UROC1: variants seen among roughly 807,000 people sequenced by gnomAD.
The protein encoded by UROC1 is urocanate hydratase.
In UROC1, 79 loss-of-function variants were observed where a neutral mutation model predicts 89.5. The observed-to-expected ratio is 0.88, with a 90% CI of 0.74 to 1.06. UROC1 has a LOEUF of 1.06. UROC1 is among the 50% of genes least tolerant of loss of function. The pLI is 0.00. For missense variants in UROC1, 885 were observed against 907.8 expected (o/e 0.97, Z 0.32); for synonymous variants, 361 against 354.8 (o/e 1.02, Z -0.20).
chr3:126,483,353 G>A lies in UROC1; in HGVS notation c.1890+16C>T, dbSNP rs761319993. On this transcript the variant is annotated intron_variant, in intron 19 of 19. Coordinates refer to ENST00000290868, the MANE Select transcript of UROC1 (RefSeq NM_144639.3). ...GGCCCTGCCTTCAGGAGGTGGCAAG[G>A]ACTGGGCTGACTTACACCATTGGAG... 5 of 1,610,060 alleles carry A rather than the reference G, an allele frequency of 3.1e-6. No homozygotes were observed. In the Admixed American group the frequency reaches 6.7e-5, roughly 21 times the overall value.
At chr3:126,507,184 T>C (rs577219793) in intron 6 of UROC1, among the ~76,000 whole-genome samples, 1 of 152,330 alleles carries the variant, frequency 6.6e-6, no homozygotes, top group East Asian at 1.9e-4. Flanking sequence ...ACTGGCCGCA[T>C]TCTGTGCCTA....
chr3:126,498,247 G>T, intron 13 of UROC1, 75 bp from the exon 14 acceptor site: 1 of 1,610,308 alleles, frequency 6.2e-7, no homozygotes, highest in South Asian at 1.1e-5. Flanking sequence ...GAGCATGCCA[G>T]GGAGGAGGGC....
chr3:126,517,352 G>A (rs1177820962), intron 1 of UROC1, among the ~76,000 whole-genome samples: 2 of 152,226 alleles, frequency 1.3e-5, no homozygotes, highest in African/African-American at 2.4e-5. Context: ...GTGACCGGCT[G>A]CTGACCTTGA....
At chr3:126,502,618 ATG>A (rs547410819) in intron 9 of UROC1, among the ~76,000 whole-genome samples, 82 of 143,094 alleles carry the variant, frequency 5.7e-4, no homozygotes, top group African/African-American at 1.6e-3. Flanking sequence ...ATTTATGTGT[ATG>A]TGTGTGTTTA....
At chr3:126,489,473 G>T in intron 16 of UROC1, 98 bp from the exon 17 acceptor site, 1 of 937,976 alleles carries the variant, frequency 1.1e-6, no homozygotes, top group Non-Finnish European at 1.7e-6. Flanking sequence ...GAACCCGCTG[G>T]ATTTCTCCTC....
chr3:126,517,003 CT>C (rs1330194400), intron 1 of UROC1, among the ~76,000 whole-genome samples: 2 of 152,062 alleles, frequency 1.3e-5, no homozygotes, highest in African/African-American at 4.8e-5. Context: ...CCACAACCCC[CT>C]GGTGTCACCA....
chr3:126,488,991 G>C (rs751891155), intron 17 of UROC1, among the ~76,000 whole-genome samples: 3 of 152,148 alleles, frequency 2.0e-5, no homozygotes, highest in Non-Finnish European at 4.4e-5. Context: ...AAAAAGGCAA[G>C]AAATGCAGCT....
At position 126,505,833 on chromosome 3, in the gene UROC1, C is replaced by T. The variant is rs748736874; in HGVS notation, c.681G>A (p.Leu227=). Residue 227 remains leucine (L), a synonymous_variant, in exon 8 of 20, where the codon TTG becomes TTA. Transcript: ENST00000290868. The part of the protein sequence containing the change: ...GIVHGTVLTV[L]NAARRYLGIE... ...TGCCCAGGTACCGACGTGCAGCATT[C>T]AACACGGTGAGCTGCAGGGAGAAGA... 3 of 1,613,806 alleles carry T rather than the reference C, an allele frequency of 1.9e-6. No homozygotes were observed. The South Asian group carries it at 3.3e-5, about 18-fold the overall frequency.
chr3:126,500,183 G>A (rs377091763), intron 11 of UROC1, 29 bp from the exon 12 acceptor site: 75 of 1,609,260 alleles, frequency 4.7e-5, no homozygotes, highest in African/African-American at 2.9e-4. Context: ...CAGCACCACC[G>A]CTGTGAGGCC....
rs996455736 is a variant in UROC1, at chr3:126,482,062, C to G, written c.*283G>C. 4.0e-6 allele frequency: 2 copies of G among 497,342 alleles called. No individual in the cohort carries two copies. Among genetic ancestry groups the G allele is most frequent in the South Asian group, 2.2e-5 (1 of 44,976 alleles). The allele number at this position is 497,342 out of a possible 1,614,324, so 30.8% of individuals were successfully genotyped here. ...GCTTGACCAGTGTTCACCGCAGGGCCCCCGGGCAGGCTTGGGACTTGGCCC... is the reference window on the plus strand; with the variant it reads ...GCTTGACCAGTGTTCACCGCAGGGCGCCCGGGCAGGCTTGGGACTTGGCCC... On this transcript the variant is annotated 3_prime_UTR_variant, in exon 20 of 20. Coordinates refer to ENST00000290868, the MANE Select transcript of UROC1 (RefSeq NM_144639.3).
At chr3:126,489,486 G>A in intron 16 of UROC1, 111 bp from the exon 17 acceptor site, 1 of 829,884 alleles carries the variant, frequency 1.2e-6, no homozygotes, top group Non-Finnish European at 2.0e-6. Flanking sequence ...TTCTCCTCCT[G>A]GAAAATAGAC....
intron 9 of UROC1, chr3:126,501,903 G>C: frequency 6.3e-7 from 1 of 1,599,308 alleles, no homozygotes; most frequent in South Asian, 1.1e-5. Flanking sequence ...GGGCAGCAGG[G>C]AGGCCGGCCC....
At position 126,501,405 on chromosome 3, in the gene UROC1, G is replaced by A. The variant is rs560444562; in HGVS notation, c.903-125C>T. On this transcript the variant is annotated intron_variant, in intron 9 of 19. Coordinates refer to ENST00000290868, the MANE Select transcript of UROC1 (RefSeq NM_144639.3). The stretch of plus-strand genomic sequence containing the variant: ...GCCACCAGAGGTGTTGTGTGCAAAC[G>A]TGGGGGCCATGGGGCTGGGCCATGA... 1.3e-4 allele frequency: 148 copies of A among 1,163,658 alleles called. 1 individual carries two copies. The highest frequency in any genetic ancestry group is 3.5e-5 in the Admixed American group (2 of 57,270). The allele number at this position is 1,163,658 out of a possible 1,614,324, so 72.1% of individuals were successfully genotyped here. A position where few individuals can be genotyped will look rare whatever the true frequency, so the allele number is the denominator to read the frequency against.
chr3:126,482,526 C>G, intron 19 of UROC1, 41 bp from the exon 20 acceptor site: 1 of 1,613,414 alleles, frequency 6.2e-7, no homozygotes, highest in Non-Finnish European at 8.5e-7. Context: ...TCAACATAAC[C>G]GGGCTCCCCA....
intron 16 of UROC1, among the ~76,000 whole-genome samples, chr3:126,492,013 G>C (rs1935665011): frequency 6.6e-6 from 1 of 152,060 alleles, no homozygotes; most frequent in Non-Finnish European, 1.5e-5. Context: ...ATTATCCCCA[G>C]AGGGGCCTTG....
intron 9 of UROC1, among the ~76,000 whole-genome samples, chr3:126,502,888 ATG>A (rs1329977780): frequency 1.3e-5 from 2 of 149,050 alleles, no homozygotes; most frequent in Non-Finnish European, 1.5e-5. Context: ...GCTTGTGTGC[ATG>A]TGTGTGCTGC....
rs1936359429 is a variant in UROC1 at position 126,517,677 on chromosome 3, G to T, written c.43C>A (p.Pro15Thr). ...QALCSGLPLR[P>T]LPENRGRQAG... ...TGGCGTCCCCGGTTCTCTGGGAGGG[G>T]CCGCAGGGGCAGGCCAGAGCACAGC... The change falls in exon 1 of 20, where the codon CCC becomes ACC. Residue 15 changes from proline (P) to threonine (T), a missense_variant. Coordinates refer to ENST00000290868, the MANE Select transcript of UROC1 (RefSeq NM_144639.3). The T allele has an allele frequency of 1.2e-6, 2 of 1,602,432 alleles. No individual in the cohort carries two copies. The highest frequency in any genetic ancestry group is 1.7e-5 in the Admixed American group (1 of 58,446).
rs1421051040 is a variant in UROC1, at chr3:126,508,470, G to A, written c.357C>T (p.Pro119=). ...NNLDPAVAQF[P]QELVTYGGNG... ...TTCCTCCATAGGTCACCAGCTCCTG[G>A]GGAAACTGAGGAAGACACGGGGTCA... The change falls in exon 4 of 20, where the codon CCC becomes CCT. Residue 119 remains proline, a synonymous_variant. Transcript: ENST00000290868. 4.3e-6 allele frequency: 7 copies of A among 1,613,556 alleles called. No homozygotes were observed. The highest frequency in any genetic ancestry group is 5.9e-6 in the Non-Finnish European group (7 of 1,179,754).
chr3:126,497,643 G>C (rs1019747897), intron 14 of UROC1, among the ~76,000 whole-genome samples: 7 of 152,326 alleles, frequency 4.6e-5, no homozygotes, highest in Middle Eastern at 3.4e-3. Context: ...AGGGACTGTG[G>C]TGTGCTGCGG....
Sources: allele counts gnomAD v4.1 joint callset (sites outside exome capture counted in the v4.1 genomes callset), GRCh38; gene constraint gnomAD v4.1.1; transcripts MANE v1.5; gene names NCBI Gene and HGNC (gene_info 2026-07-23, HGNC 2026-07-21).